Variants in LRRC4C observed in about 807,000 individuals in gnomAD.
LRRC4C encodes leucine-rich repeat-containing protein 4C.
A neutral mutation model predicts 33.6 loss-of-function variants in LRRC4C; 5 were observed. The ratio of observed to expected loss-of-function variants is 0.15; its 90% CI spans 0.08 to 0.31. The LOEUF (loss-of-function observed/expected upper bound fraction) is 0.31, where lower values mean the gene tolerates loss of function less well. Ranked by LOEUF, LRRC4C falls within the 10% of genes least tolerant of loss-of-function variation. The pLI is 1.00. For synonymous variants in LRRC4C, 329 were observed against 302.0 expected (o/e 1.09, Z -0.93); for missense variants, 560 against 796.7 (o/e 0.70, Z 3.58).
intron 1 of LRRC4C, among the ~76,000 whole-genome samples, chr11:41,267,733 T>C (rs1949196637): frequency 6.6e-6 from 1 of 152,136 alleles, no homozygotes; most frequent in African/African-American, 2.4e-5. Flanking sequence ...TTGCTTACTA[T>C]GTGATTGTAT....
In LRRC4C at chr11:40,822,225, A is replaced by G. The variant is rs561696356; in HGVS notation, c.-407+111410T>C. Among the ~76,000 whole-genome samples, 16 of 151,750 alleles carry G rather than the reference A, an allele frequency of 1.1e-4. No individual in the cohort carries two copies. The South Asian group carries it at 3.1e-3, about 29-fold the overall frequency. On this transcript the variant is annotated intron_variant, in intron 2 of 6. Transcript: ENST00000528697. ...AGAGATTGACTTTTTTAGTTCCTAC[A>G]TGTGAATGAGTGAGAACATGTGATA...
intron 2 of LRRC4C, among the ~76,000 whole-genome samples, chr11:40,916,816 A>G (rs1956982708): frequency 6.6e-6 from 1 of 152,064 alleles, no homozygotes; most frequent in African/African-American, 2.4e-5. Context: ...GGGTAGAAAA[A>G]TTGGTTGAGG....
chr11:40,857,408 C>A, intron 2 of LRRC4C, among the ~76,000 whole-genome samples: 1 of 152,062 alleles, frequency 6.6e-6, no homozygotes, highest in East Asian at 1.9e-4. Context: ...TCCATGTGTT[C>A]TCATTGTTCA....
chr11:41,071,896 CT>C (rs1212569127), intron 1 of LRRC4C, among the ~76,000 whole-genome samples: 1 of 152,134 alleles, frequency 6.6e-6, no homozygotes, highest in Non-Finnish European at 1.5e-5. Flanking sequence ...TTATGAATGA[CT>C]TTGAGGGTTT....
intron 1 of LRRC4C, among the ~76,000 whole-genome samples, chr11:41,301,575 C>T (rs1950289903): frequency 6.6e-6 from 1 of 152,164 alleles, no homozygotes; most frequent in Admixed American, 6.5e-5. Flanking sequence ...TGACTCAGAA[C>T]TCCTAAGTGA....
chr11:40,281,769 C>G (rs1057482986), intron 4 of LRRC4C, among the ~76,000 whole-genome samples: 10 of 152,236 alleles, frequency 6.6e-5, no homozygotes, highest in Admixed American at 4.6e-4. Flanking sequence ...TCAACTTGTT[C>G]TAGGCAGGAC....
chr11:40,161,912 A>T (rs1184564047), intron 5 of LRRC4C, among the ~76,000 whole-genome samples: 1 of 152,184 alleles, frequency 6.6e-6, no homozygotes. Context: ...GTCTTAGTCC[A>T]TTTGTGCTGC....
At chr11:40,201,714 C>T (rs1862765230) in intron 5 of LRRC4C, among the ~76,000 whole-genome samples, 1 of 152,134 alleles carries the variant, frequency 6.6e-6, no homozygotes, top group Non-Finnish European at 1.5e-5. Flanking sequence ...TATAAAGAGG[C>T]AGAGAGGGAA....
chr11:40,470,085 T>A (rs1304980170), intron 3 of LRRC4C, among the ~76,000 whole-genome samples: 2 of 152,168 alleles, frequency 1.3e-5, no homozygotes, highest in African/African-American at 4.8e-5. Flanking sequence ...GCCTCCTGAC[T>A]AGGAGATACC....
At chr11:40,255,411 G>A (rs528989668) in intron 4 of LRRC4C, among the ~76,000 whole-genome samples, 10 of 152,306 alleles carry the variant, frequency 6.6e-5, no homozygotes, top group Admixed American at 2.6e-4. Flanking sequence ...TTGCTCCAAA[G>A]CGTCAATACA....
chr11:40,937,522 A>G (rs1957956290), intron 1 of LRRC4C, among the ~76,000 whole-genome samples: 2 of 152,124 alleles, frequency 1.3e-5, no homozygotes. Context: ...TACTCTTAAG[A>G]CATCATCACT....
chr11:40,124,651 A>T (rs866554179), intron 6 of LRRC4C, among the ~76,000 whole-genome samples: 24 of 152,310 alleles, frequency 1.6e-4, no homozygotes, highest in Admixed American at 7.8e-4. Context: ...TGGTTATCAG[A>T]GACTGGGAAG....
chr11:40,862,043 T>A (rs1954131071), intron 2 of LRRC4C, among the ~76,000 whole-genome samples: 1 of 152,084 alleles, frequency 6.6e-6, no homozygotes, highest in Non-Finnish European at 1.5e-5. Context: ...ATATCAGCAG[T>A]CTTGGGAAAG....
chr11:40,229,373 G>C (rs975429555), intron 5 of LRRC4C, among the ~76,000 whole-genome samples: 1 of 151,926 alleles, frequency 6.6e-6, no homozygotes, highest in African/African-American at 2.4e-5. Context: ...CCCGGGTTCA[G>C]GCAATTCTCC....
At chr11:40,713,090 C>T (rs1379643115) in intron 2 of LRRC4C, among the ~76,000 whole-genome samples, 2 of 148,700 alleles carry the variant, frequency 1.3e-5, no homozygotes, top group African/African-American at 2.5e-5. Context: ...GATTAGATTT[C>T]GGCATGTTGG....
chr11:41,160,619 GT>G (rs1394980833), intron 1 of LRRC4C, among the ~76,000 whole-genome samples: 3 of 152,122 alleles, frequency 2.0e-5, no homozygotes, highest in African/African-American at 7.2e-5. Flanking sequence ...TGGCATGCAT[GT>G]CTTTATTCAT....
chr11:40,994,116 T>A (rs548244389), intron 1 of LRRC4C, among the ~76,000 whole-genome samples: 1 of 151,936 alleles, frequency 6.6e-6, no homozygotes, highest in Admixed American at 6.6e-5. Context: ...TTTTGAAAAC[T>A]ATTGATTTGC....
At chr11:40,444,357 T>C (rs1197677020) in intron 3 of LRRC4C, among the ~76,000 whole-genome samples, 1 of 149,924 alleles carries the variant, frequency 6.7e-6, no homozygotes, top group Non-Finnish European at 1.5e-5. Context: ...TTTTTATTTT[T>C]CTTTTTTTTT....
chr11:41,418,675 C>T (rs574228898), intron 1 of LRRC4C, among the ~76,000 whole-genome samples: 14 of 152,094 alleles, frequency 9.2e-5, no homozygotes, highest in South Asian at 2.1e-4. Context: ...AAAACATGAG[C>T]TCTGACACAA....
Sources: gnomAD v4.1 joint callset for allele counts (sites outside exome capture counted in the v4.1 genomes callset) on GRCh38, gnomAD v4.1.1 for gene constraint, MANE v1.5 for transcripts, NCBI Gene and HGNC (gene_info 2026-07-23, HGNC 2026-07-21) for gene names.